The following PRR16 variants were observed in gnomAD, a reference collection of about 807,000 sequenced individuals.
The protein encoded by PRR16 is proline rich 16.
Under a neutral mutation model 18.2 loss-of-function variants are expected in PRR16, and 6 were observed. The ratio of observed to expected loss-of-function variants is 0.33; its 90% CI spans 0.18 to 0.65. The LOEUF is 0.65. PRR16 is among the 30% of genes least tolerant of loss of function. PRR16 has a pLI of 0.74. For synonymous variants in PRR16, 151 were observed against 147.8 expected, an observed-to-expected ratio of 1.02 and a Z score of -0.16; for missense variants, 412 against 376.6, an observed-to-expected ratio of 1.09 and a Z score of -0.78.
intron 1 of PRR16, among the ~76,000 whole-genome samples, chr5:120,490,146 C>G (rs529797062): frequency 6.6e-6 from 1 of 152,014 alleles, no homozygotes; most frequent in Non-Finnish European, 1.5e-5. Context: ...TTGCTGTTCT[C>G]GAGGAGTATC....
intron 1 of PRR16, chr5:120,618,460 A>G (rs1754583790): frequency 3.1e-6 from 3 of 968,522 alleles, no homozygotes; most frequent in South Asian, 4.8e-5. Flanking sequence ...GTGCTGTGTC[A>G]TGAATCAAGT....
chr5:120,663,466 T>A (rs10046078), intron 1 of PRR16, among the ~76,000 whole-genome samples: 8,831 of 152,124 alleles, frequency 0.058, 310 homozygotes, highest in South Asian at 0.083. Flanking sequence ...AGAAAAAAAA[T>A]TATAAGTCAT....
Position 120,487,635 on chromosome 5 carries a change from C to T in PRR16, c.159+22990C>T, listed in dbSNP as rs377369874. ...TCCTCTTTTCCTAATTGAATACCCT[C>T]TATTTCCTTCTCCTGCCTCATTGCA... is the stretch of plus-strand genomic sequence containing the variant. On this transcript the variant is annotated intron_variant, in intron 1 of 1. Coordinates refer to ENST00000407149, the MANE Select transcript of PRR16 (RefSeq NM_001300783.2). Among the ~76,000 whole-genome samples, 323 of 152,120 alleles carry T rather than the reference C, an allele frequency of 2.1e-3. 2 individuals carry two copies. The highest frequency in any genetic ancestry group is 7.4e-3 in the African/African-American group (307 of 41,520).
chr5:120,516,381 C>T (rs1274733982), intron 1 of PRR16, among the ~76,000 whole-genome samples: 10 of 139,946 alleles, frequency 7.1e-5, no homozygotes, highest in African/African-American at 1.3e-4. Context: ...GCCGAAATCA[C>T]ACACTGCATT....
At chr5:120,540,133 T>C (rs184677094) in intron 1 of PRR16, among the ~76,000 whole-genome samples, 1 of 152,142 alleles carries the variant, frequency 6.6e-6, no homozygotes, top group South Asian at 2.1e-4. Context: ...AGTAACAGTG[T>C]TTTGTTTTAT....
intron 1 of PRR16, among the ~76,000 whole-genome samples, chr5:120,485,191 T>G (rs769681758): frequency 1.2e-4 from 19 of 152,164 alleles, no homozygotes; most frequent in Non-Finnish European, 2.5e-4. Context: ...AACATTTATA[T>G]TTTATGTCTT....
chr5:120,623,765 G>A (rs1394951293), intron 1 of PRR16, among the ~76,000 whole-genome samples: 4 of 152,030 alleles, frequency 2.6e-5, no homozygotes, highest in African/African-American at 2.4e-5. Flanking sequence ...AGGTAAATGG[G>A]TGTTACACCG....
chr5:120,760,513 T>G, the PRR16 span, among the ~76,000 whole-genome samples: 3 of 152,144 alleles, frequency 2.0e-5, no homozygotes, highest in Non-Finnish European at 4.4e-5. Flanking sequence ...AACCCCTTGT[T>G]TTATTCACCA....
chr5:120,637,332 A>C (rs567942725), intron 1 of PRR16, among the ~76,000 whole-genome samples: 2 of 150,596 alleles, frequency 1.3e-5, no homozygotes, highest in South Asian at 2.1e-4. Context: ...AAAAAAAAAA[A>C]AAAAAAAAAA....
the PRR16 span, among the ~76,000 whole-genome samples, chr5:120,770,481 CAT>C: frequency 8.8e-4 from 134 of 151,920 alleles, no homozygotes; most frequent in East Asian, 6.0e-3. Context: ...CAGACAAAAA[CAT>C]AAAGGGAAAA....
intron 1 of PRR16, among the ~76,000 whole-genome samples, chr5:120,643,613 G>A (rs1166631086): frequency 1.3e-5 from 2 of 152,032 alleles, no homozygotes; most frequent in Non-Finnish European, 2.9e-5. Flanking sequence ...GTATAACATT[G>A]ATTAATTAGC....
chr5:120,683,357 G>T (rs576592686), intron 1 of PRR16, among the ~76,000 whole-genome samples: 2 of 151,724 alleles, frequency 1.3e-5, no homozygotes, highest in Non-Finnish European at 2.9e-5. Flanking sequence ...AAAAAATTAG[G>T]TGGGTGTGGT....
At chr5:120,790,148 C>G in the PRR16 span, 1 of 152,130 alleles carries the variant, frequency 6.6e-6, no homozygotes, top group Non-Finnish European at 1.5e-5. Flanking sequence ...TCATCTTCCT[C>G]TATCTGACAG....
intron 1 of PRR16, among the ~76,000 whole-genome samples, chr5:120,624,434 G>A (rs28517751): frequency 0.061 from 9,276 of 152,114 alleles, 332 homozygotes; most frequent in South Asian, 0.082. Flanking sequence ...GCCTTTTCCA[G>A]TAATATATTT....
chr5:120,726,003 G>T, the PRR16 span, among the ~76,000 whole-genome samples: 3 of 152,040 alleles, frequency 2.0e-5, no homozygotes, highest in East Asian at 5.8e-4. Context: ...GAAAGGTCTC[G>T]GGAAAGAGGG....
intron 1 of PRR16, among the ~76,000 whole-genome samples, chr5:120,513,934 A>G (rs192077335): frequency 3.8e-4 from 57 of 151,664 alleles, no homozygotes; most frequent in African/African-American, 1.1e-3. Flanking sequence ...AATTTTTTGT[A>G]TTTTTAGTAG....
chr5:120,548,684 C>A (rs760104073), intron 1 of PRR16, among the ~76,000 whole-genome samples: 5 of 144,228 alleles, frequency 3.5e-5, no homozygotes, highest in African/African-American at 1.0e-4. Flanking sequence ...ATCAGTAGAA[C>A]TGGAAATAAA....
intron 1 of PRR16, among the ~76,000 whole-genome samples, chr5:120,649,239 G>T (rs921057579): frequency 6.6e-6 from 1 of 152,052 alleles, no homozygotes; most frequent in African/African-American, 2.4e-5. Flanking sequence ...TTTGAAGTTA[G>T]TATGAGTATT....
intron 1 of PRR16, among the ~76,000 whole-genome samples, chr5:120,629,833 C>G (rs919343382): frequency 7.2e-5 from 11 of 152,090 alleles, no homozygotes; most frequent in African/African-American, 2.7e-4. Flanking sequence ...GTTATTTCCA[C>G]TCTGCATTTT....
Sources: gnomAD v4.1 joint callset for allele counts (sites outside exome capture counted in the v4.1 genomes callset) on GRCh38, gnomAD v4.1.1 for gene constraint, MANE v1.5 for transcripts, NCBI Gene and HGNC (gene_info 2026-07-23, HGNC 2026-07-21) for gene names.